KIF23: variants seen among roughly 807,000 people sequenced by gnomAD.
KIF23 encodes kinesin family member 23.
A neutral mutation model predicts 137.5 loss-of-function variants in KIF23; 30 were observed. That is an observed-to-expected ratio of 0.22 (90% CI 0.16 to 0.30). The LOEUF is 0.30. KIF23 is among the 10% of genes least tolerant of loss of function. KIF23 has a pLI of 1.00. For synonymous variants in KIF23, 367 were observed against 391.1 expected (o/e 0.94, Z 0.73); for missense variants, 920 against 1,194.3 (o/e 0.77, Z 3.38).
Position 69,417,471 on chromosome 15 carries a change from C to G in KIF23, c.170C>G (p.Pro57Arg), listed in dbSNP as rs1285595574. 8 of 1,613,778 alleles carry G rather than the reference C, an allele frequency of 5.0e-6. No homozygotes were observed. The highest frequency in any genetic ancestry group is 6.8e-6 in the Non-Finnish European group (8 of 1,179,908). ...AATACAACTGTTCAGCTTCATACTC[C>G]TGAGGGCTACAGACTCAACCGAAAT... ...INNTTVQLHT[P>R]EGYRLNRNGD... Residue 57 changes from proline to arginine, a missense_variant, in exon 3 of 24, where the codon CCT becomes CGT. Around this residue, in one of 4 missense-constraint regions of KIF23, gnomAD observed 124 missense variants for 122.0 expected, o/e 1.02. Transcript: ENST00000679126.
rs2057581781 is a variant in KIF23 at position 69,440,228 on chromosome 15, G to T, written c.1930-80G>T. 4.6e-6 allele frequency: 7 copies of T among 1,520,540 alleles called. No homozygotes were observed. The Admixed American group carries it at 1.0e-4, about 23-fold the overall frequency. The allele number at this position is 1,520,540 out of a possible 1,614,324, so 94.2% of individuals were successfully genotyped here. On this transcript the variant is annotated intron_variant, in intron 17 of 23. Transcript: ENST00000679126. Reference sequence around the variant, plus strand: ...AGAATTGGAGAACTGTCATTTTTAGGAAATAAAGAGATTGGGTAATCTGGT... The same window carrying T: ...AGAATTGGAGAACTGTCATTTTTAGTAAATAAAGAGATTGGGTAATCTGGT...
intron 1 of KIF23, 86 bp downstream of exon 1, chr15:69,414,562 C>CA: frequency 3.0e-6 from 4 of 1,344,680 alleles, no homozygotes; most frequent in African/African-American, 1.5e-5. Context: ...ACTCAGGCCG[C>CA]GGCCGTACGC....
intron 6 of KIF23, 99 bp downstream of exon 6, chr15:69,422,534 G>A (rs1232361972): frequency 5.7e-6 from 4 of 695,824 alleles, no homozygotes; most frequent in Admixed American, 2.5e-5. Context: ...AAATAGAGAA[G>A]TTGACTTTTG....
chr15:69,438,139 CAG>C, intron 15 of KIF23, 107 bp from the exon 16 acceptor site: 1 of 945,186 alleles, frequency 1.1e-6, no homozygotes, highest in East Asian at 2.7e-5. Flanking sequence ...CTGATTCTCA[CAG>C]AGATTTGCTG....
chr15:69,435,411 T>C, intron 11 of KIF23, 72 bp from the exon 12 acceptor site: 2 of 1,200,970 alleles, frequency 1.7e-6, no homozygotes, highest in Admixed American at 2.4e-5. Context: ...TGAGATTTTA[T>C]AGGCAAACAG....
Position 69,441,036 on chromosome 15 carries a change from C to T in KIF23, c.2378C>T (p.Thr793Ile). 2 of 1,613,966 alleles carry T rather than the reference C, an allele frequency of 1.2e-6. No homozygotes were observed. Among genetic ancestry groups the T allele is most frequent in the Non-Finnish European group, 1.7e-6 (2 of 1,179,890 alleles). The stretch of plus-strand genomic sequence containing the variant: ...ACTGAAGGCAGGGAGGTGGTTCCTA[C>T]ATTCAGAAATGAGATAGAAATAGAA... ...YWTEGREVVPTFRNEIEIEED... is the reference protein window; with the variant it reads ...YWTEGREVVPIFRNEIEIEED... The change falls in exon 19 of 24, where the codon ACA (threonine) becomes ATA (isoleucine). Residue 793 changes from threonine (T) to isoleucine (I), a missense_variant. Around this residue, in one of 4 missense-constraint regions of KIF23, gnomAD observed 714 missense variants for 866.2 expected, o/e 0.82. Coordinates refer to ENST00000679126, the MANE Select transcript of KIF23 (RefSeq NM_001367805.3).
chr15:69,436,329 T>G, intron 14 of KIF23, 68 bp downstream of exon 14: 1 of 1,526,700 alleles, frequency 6.6e-7, no homozygotes, highest in Non-Finnish European at 8.8e-7. Flanking sequence ...TTAAAAAAAA[T>G]TATTTCATTT....
rs373867203 is a variant in KIF23, at chr15:69,416,039, A to G, written c.57A>G (p.Gln19=). The G allele has an allele frequency of 8.2e-6, 13 of 1,577,156 alleles. No homozygotes were observed. The African/African-American group carries it at 9.7e-5, about 12-fold the overall frequency. The change falls in exon 2 of 24, where the codon CAA becomes CAG. Residue 19 remains glutamine, a synonymous_variant. Coordinates refer to ENST00000679126, the MANE Select transcript of KIF23 (RefSeq NM_001367805.3). Reference sequence around the variant, plus strand: ...AACCTACCGTGAAAAAAGGGTCCCAAACGAACCTTAAAGACCCAGTTGGGG... The same window carrying G: ...AACCTACCGTGAAAAAAGGGTCCCAGACGAACCTTAAAGACCCAGTTGGGG... ...PRKPTVKKGS[Q]TNLKDPVGVY... is the part of the protein sequence containing the mutation.
At chr15:69,430,992 A>G (rs1024249594) in intron 11 of KIF23, among the ~76,000 whole-genome samples, 5 of 152,200 alleles carry the variant, frequency 3.3e-5, no homozygotes, top group Admixed American at 2.6e-4. Context: ...TAGAAAGATC[A>G]TTTTGCCAGT....
intron 11 of KIF23, chr15:69,435,054 C>G: frequency 1.9e-6 from 1 of 526,630 alleles, no homozygotes; most frequent in Non-Finnish European, 3.4e-6. Context: ...TAGTTCCTCC[C>G]CACACAGACG....
At chr15:69,428,022 G>A (rs2057248123) in intron 10 of KIF23, among the ~76,000 whole-genome samples, 1 of 152,180 alleles carries the variant, frequency 6.6e-6, no homozygotes, top group South Asian at 2.1e-4. Flanking sequence ...ACTTTGGGAG[G>A]CCAAGACGGG....
intron 2 of KIF23, among the ~76,000 whole-genome samples, chr15:69,417,117 ACAATATAATAGTGAATACACTG>A (rs1419274254): frequency 2.0e-5 from 3 of 152,186 alleles, no homozygotes; most frequent in Non-Finnish European, 2.9e-5. Flanking sequence ...TTATTTGTGT[ACAATATAATAGTGAATACACTG>A]CAATTTGATT....
chr15:69,423,844 G>C (rs1286967844), intron 7 of KIF23, among the ~76,000 whole-genome samples: 3 of 151,990 alleles, frequency 2.0e-5, no homozygotes, highest in Non-Finnish European at 4.4e-5. Flanking sequence ...AGATTTCCTT[G>C]GGTCTTGCCT....
intron 1 of KIF23, 108 bp downstream of exon 1, chr15:69,414,584 A>T: frequency 8.4e-7 from 1 of 1,193,380 alleles, no homozygotes; most frequent in Non-Finnish European, 1.1e-6. Context: ...GGCAGCGCGG[A>T]CAGCATCCCG....
At chr15:69,428,992 G>T (rs2057284197) in intron 10 of KIF23, 119 bp from the exon 11 acceptor site, 1 of 591,674 alleles carries the variant, frequency 1.7e-6, no homozygotes, top group Non-Finnish European at 2.9e-6. Context: ...TGCCTGTCCT[G>T]TGCATTTTGT....
At chr15:69,424,325 T>C (rs1229120376) in intron 7 of KIF23, among the ~76,000 whole-genome samples, 1 of 152,154 alleles carries the variant, frequency 6.6e-6, no homozygotes, top group East Asian at 1.9e-4. Flanking sequence ...TGTAAAAATA[T>C]TAACACTCTT....
In KIF23 at chr15:69,440,169, G is replaced by A. The variant is rs1438198747; in HGVS notation, c.1929+92G>A. 6 of 1,510,570 alleles carry A rather than the reference G, an allele frequency of 4.0e-6. No homozygotes were observed. The African/African-American group carries it at 5.6e-5, about 14-fold the overall frequency. The allele number at this position is 1,510,570 out of a possible 1,614,324, so 93.6% of individuals were successfully genotyped here. The stretch of plus-strand genomic sequence containing the variant: ...GATATTTTGAATTATTGTATTTGCG[G>A]TAGGGTTTTGGTGGTGGTTGTTAAC... On this transcript the variant is annotated intron_variant, in intron 17 of 23. Transcript: ENST00000679126.
chr15:69,443,339 T>G (rs906544432), intron 19 of KIF23, among the ~76,000 whole-genome samples: 4,098 of 125,022 alleles, frequency 0.033, 138 homozygotes, highest in East Asian at 0.11. Flanking sequence ...TTTTTTTTTT[T>G]TTTTTTTTTT....
chr15:69,442,818 G>A (rs1252314536), intron 19 of KIF23, among the ~76,000 whole-genome samples: 1 of 152,200 alleles, frequency 6.6e-6, no homozygotes, highest in African/African-American at 2.4e-5. Context: ...AATCTCTTTA[G>A]AAGTGCAGCA....
Sources: allele counts gnomAD v4.1 joint callset (sites outside exome capture counted in the v4.1 genomes callset), GRCh38; gene constraint gnomAD v4.1.1; regional missense constraint gnomAD v4.1.1; transcripts MANE v1.5; gene names NCBI Gene and HGNC (gene_info 2026-07-23, HGNC 2026-07-21).